TXK: variants seen among roughly 807,000 people sequenced by gnomAD.
The protein encoded by TXK is TXK tyrosine kinase.
TXK carries 60 observed loss-of-function variants against 81.0 expected under a neutral mutation model. The ratio of observed to expected loss-of-function variants is 0.74; its 90% CI spans 0.60 to 0.92. TXK has a LOEUF of 0.92. TXK is among the 40% of genes least tolerant of loss of function. TXK has a pLI of 0.00. For synonymous variants in TXK, 203 were observed against 210.7 expected, an observed-to-expected ratio of 0.96 and a Z score of 0.32; for missense variants, 581 against 638.3, an observed-to-expected ratio of 0.91 and a Z score of 0.97.
intron 10 of TXK, among the ~76,000 whole-genome samples, chr4:48,084,969 T>G (rs1717462530): frequency 6.6e-6 from 1 of 152,116 alleles, no homozygotes; most frequent in Non-Finnish European, 1.5e-5. Flanking sequence ...CTAGTTGGAG[T>G]CTGCAAGTGC....
chr4:48,121,634 T>G (rs1462083070), intron 1 of TXK, among the ~76,000 whole-genome samples: 2 of 152,192 alleles, frequency 1.3e-5, no homozygotes, highest in Non-Finnish European at 2.9e-5. Context: ...CCTAATACAA[T>G]GTAAATGCTA....
At position 48,134,248 on chromosome 4, in the gene TXK, A is replaced by G. The variant is rs1254876184; in HGVS notation, c.-78T>C. The G allele has an allele frequency of 4.5e-6, 7 of 1,560,324 alleles. No individual in the cohort carries two copies. The highest frequency in any genetic ancestry group is 2.2e-5 in the East Asian group (1 of 44,462). On this transcript the variant is annotated 5_prime_UTR_variant, in exon 1 of 15. Transcript: ENST00000264316. ...TCTACTCACAAAAACACATCTTTCA[A>G]CTGAAATCATAGTTCGCTCAAGATG...
intron 1 of TXK, among the ~76,000 whole-genome samples, chr4:48,120,126 T>C (rs28602482): frequency 0.78 from 115,572 of 148,326 alleles, 45,301 homozygotes; most frequent in East Asian, 0.89. Context: ...CACATACATA[T>C]GTATATACAT....
chr4:48,077,958 C>A (rs1036974953), intron 11 of TXK, among the ~76,000 whole-genome samples: 2 of 152,192 alleles, frequency 1.3e-5, no homozygotes, highest in Non-Finnish European at 2.9e-5. Context: ...TTATTCTCAA[C>A]CTCAACTTCA....
intron 1 of TXK, among the ~76,000 whole-genome samples, chr4:48,120,193 A>T (rs1351408719): frequency 1.1e-5 from 1 of 94,216 alleles, no homozygotes; most frequent in Non-Finnish European, 3.0e-5. Flanking sequence ...ATATATACAT[A>T]CACACATATA....
chr4:48,107,165 GT>G (rs893848312), intron 5 of TXK, among the ~76,000 whole-genome samples: 1 of 150,836 alleles, frequency 6.6e-6, no homozygotes, highest in Non-Finnish European at 1.5e-5. Flanking sequence ...AGTATGTTGA[GT>G]TTGAATTAAG....
chr4:48,080,209 A>G (rs954319818), intron 10 of TXK, 81 bp from the exon 11 acceptor site: 2 of 1,035,328 alleles, frequency 1.9e-6, no homozygotes, highest in Non-Finnish European at 3.0e-6. Context: ...AGTATTTACC[A>G]TCTATTTATC....
chr4:48,071,370 G>C, intron 14 of TXK, 147 bp downstream of exon 14: 1 of 748,780 alleles, frequency 1.3e-6, no homozygotes, highest in Non-Finnish European at 2.2e-6. Flanking sequence ...GTGAGTTTGA[G>C]ATAGTACTTC....
chr4:48,067,630 T>C lies in TXK; in HGVS notation c.*7A>G. On this transcript the variant is annotated 3_prime_UTR_variant, in exon 15 of 15. Coordinates refer to ENST00000264316, the MANE Select transcript of TXK (RefSeq NM_003328.3). Reference sequence around the variant, plus strand: ...GATGACTCTTTGGGTTGGCATTCTGTTTCCGGTCACCAGGTTTCCGCAATC... The same window carrying C: ...GATGACTCTTTGGGTTGGCATTCTGCTTCCGGTCACCAGGTTTCCGCAATC... The C allele has an allele frequency of 6.2e-7, 1 of 1,614,082 alleles. No homozygotes were observed.
chr4:48,124,638 C>T (rs1320352310), intron 1 of TXK, among the ~76,000 whole-genome samples: 2 of 151,954 alleles, frequency 1.3e-5, no homozygotes, highest in Non-Finnish European at 2.9e-5. Flanking sequence ...CTAAGCTGAC[C>T]GTGACCTTTT....
intron 5 of TXK, among the ~76,000 whole-genome samples, chr4:48,109,952 C>T (rs1718582813): frequency 1.3e-5 from 2 of 152,188 alleles, no homozygotes; most frequent in Admixed American, 1.3e-4. Context: ...TTATAAAAAA[C>T]ATATGACTAG....
intron 6 of TXK, among the ~76,000 whole-genome samples, chr4:48,097,420 C>A (rs1012152468): frequency 1.2e-5 from 1 of 83,772 alleles, no homozygotes. Flanking sequence ...AAAAAGCTAC[C>A]ACTTTTTTTT....
intron 5 of TXK, among the ~76,000 whole-genome samples, chr4:48,107,357 A>G (rs1718488540): frequency 6.6e-6 from 1 of 151,720 alleles, no homozygotes; most frequent in Admixed American, 6.6e-5. Context: ...CTCCACATTG[A>G]CACAGCATTC....
chr4:48,095,057 T>TA, intron 7 of TXK, 86 bp downstream of exon 7: 1 of 1,146,384 alleles, frequency 8.7e-7, no homozygotes, highest in Admixed American at 1.9e-5. Context: ...ATCTTTTCCC[T>TA]AAGCTAAGCT....
intron 3 of TXK, among the ~76,000 whole-genome samples, 165 bp from the exon 4 acceptor site, chr4:48,112,677 C>T (rs3805185): frequency 0.15 from 22,883 of 152,126 alleles, 1,920 homozygotes; most frequent in East Asian, 0.29. Context: ...TATAAAACTC[C>T]TTTAGGATCC....
Position 48,079,802 on chromosome 4 carries a change from T to C in TXK, c.1173+110A>G, listed in dbSNP as rs568984501. 5.0e-5 allele frequency: 41 copies of C among 826,844 alleles called. No individual in the cohort carries two copies. The African/African-American group carries it at 6.7e-4, about 13-fold the overall frequency. 51.2% of individuals were successfully genotyped at this position (826,844 alleles called of 1,614,324 possible). On this transcript the variant is annotated intron_variant, in intron 11 of 14. Transcript: ENST00000264316. ...AACAAATTGCATGAATAGGTAAATGTTTAAAAATTAAATCAAGGACACATT... is the reference window on the plus strand; with the variant it reads ...AACAAATTGCATGAATAGGTAAATGCTTAAAAATTAAATCAAGGACACATT...
At chr4:48,078,723 C>T (rs1440295749) in intron 11 of TXK, among the ~76,000 whole-genome samples, 1 of 152,176 alleles carries the variant, frequency 6.6e-6, no homozygotes, top group Non-Finnish European at 1.5e-5. Flanking sequence ...TTCAATAATG[C>T]CAGTAGTGCT....
rs1719090694 is a variant in TXK at position 48,126,378 on chromosome 4, A to G, written c.16+7777T>C. On this transcript the variant is annotated intron_variant, in intron 1 of 14. Transcript: ENST00000264316. ...ATACAGTGTATGATACACATAACATACAAAATACGTGTTGATCAACATTTA... is the reference window on the plus strand; with the variant it reads ...ATACAGTGTATGATACACATAACATGCAAAATACGTGTTGATCAACATTTA... 2.6e-5 allele frequency among the ~76,000 whole-genome samples: 4 copies of G among 152,238 alleles called. No individual in the cohort carries two copies. In the South Asian group the frequency reaches 8.3e-4, roughly 31 times the overall value.
chr4:48,071,365 T>G, intron 14 of TXK, 152 bp downstream of exon 14: 1 of 717,252 alleles, frequency 1.4e-6, no homozygotes, highest in East Asian at 2.7e-5. Flanking sequence ...TTGTAGTGAG[T>G]TTGAGATAGT....
Sources: allele counts gnomAD v4.1 joint callset (sites outside exome capture counted in the v4.1 genomes callset), GRCh38; gene constraint gnomAD v4.1.1; transcripts MANE v1.5; gene names NCBI Gene and HGNC (gene_info 2026-07-23, HGNC 2026-07-21).